Variants in CCDC40 observed in about 807,000 individuals in gnomAD.
CCDC40 encodes coiled-coil domain-containing protein 40.
A neutral mutation model predicts 124.5 loss-of-function variants in CCDC40; 104 were observed. The observed-to-expected ratio is 0.84, with a 90% CI of 0.71 to 0.98. The LOEUF is 0.98. CCDC40 is among the 50% of genes least tolerant of loss of function. The probability of loss-of-function intolerance (pLI) is 0.00; values close to 1 mark genes in which losing one functional copy is unlikely to be tolerated. For synonymous variants in CCDC40, 580 were observed against 602.9 expected (o/e 0.96, Z 0.56); for missense variants, 1,463 against 1,503.9 (o/e 0.97, Z 0.45).
Position 80,081,655 on chromosome 17 carries a change from A to T in CCDC40, c.1672A>T (p.Thr558Ser). ...NEKLASILNR[T>S]ETEATLLQKL... ...GAAGCTGGCGAGCATCCTGAACCGG[A>T]CAGAGACGGAAGCCACACTGCTGCA... The change falls in exon 11 of 20, where the codon ACA becomes TCA. Residue 558 changes from threonine (T) to serine (S), a missense_variant. By Grantham distance (58) the Thr-to-Ser change is moderately conservative (BLOSUM62 1). Coordinates refer to ENST00000397545, the MANE Select transcript of CCDC40 (RefSeq NM_017950.4). 6.2e-7 allele frequency: 1 copy of T among 1,614,212 alleles called. No individual in the cohort carries two copies. Among genetic ancestry groups the T allele is most frequent in the Non-Finnish European group, 8.5e-7 (1 of 1,180,040 alleles).
Position 80,086,314 on chromosome 17 carries a change from G to C in CCDC40, c.2449+98G>C, listed in dbSNP as rs1428679837. On this transcript the variant is annotated intron_variant, in intron 14 of 19. Transcript: ENST00000397545. This position sits in a 1 kb window ranked among gnomAD's most constrained non-coding sequence, Gnocchi z 5.5. ...GGGCACTCAGTGGGGCACGTCGCTG[G>C]ATTTGCACGCAGCCTTAAAAGCAAA... 2.2e-5 allele frequency: 21 copies of C among 959,708 alleles called. No homozygotes were observed. The highest frequency in any genetic ancestry group is 3.4e-5 in the Non-Finnish European group (21 of 613,578). 59.4% of individuals were successfully genotyped at this position (959,708 alleles called of 1,614,324 possible).
rs998762525 is a variant in CCDC40, at chr17:80,086,421, G to C, written c.2449+205G>C. 5.2e-5 allele frequency: 30 copies of C among 575,568 alleles called. No individual in the cohort carries two copies. Among genetic ancestry groups the C allele is most frequent in the South Asian group, 2.9e-4 (15 of 51,470 alleles). 35.7% of individuals were successfully genotyped at this position (575,568 alleles called of 1,614,324 possible). On this transcript the variant is annotated intron_variant, in intron 14 of 19. Transcript: ENST00000397545. The surrounding 1 kb of genome is among the most constrained non-coding windows in gnomAD (Gnocchi z 5.5). ...GCCCAGTTCGCAGTCACAGCGGGAG[G>C]GTTGAGAAATGTCACGAAATGGCTC...
intron 10 of CCDC40, among the ~76,000 whole-genome samples, chr17:80,078,289 C>T (rs1399647500): frequency 1.3e-5 from 2 of 150,282 alleles, no homozygotes; most frequent in Non-Finnish European, 3.0e-5. Flanking sequence ...CAAGATCACG[C>T]CACTGCACTC....
intron 9 of CCDC40, among the ~76,000 whole-genome samples, chr17:80,061,521 T>C (rs2037896187): frequency 6.6e-6 from 1 of 152,226 alleles, no homozygotes; most frequent in Admixed American, 6.5e-5. Context: ...AGACTCGCCC[T>C]GTGTGCTTCC....
At chr17:80,051,191 A>T (rs562682431) in intron 7 of CCDC40, 1 of 241,420 alleles carries the variant, frequency 4.1e-6, no homozygotes, top group East Asian at 1.8e-4. Context: ...TATTACTCTT[A>T]TAATGGGGAA....
At chr17:80,062,551 G>A (rs1367126046) in intron 9 of CCDC40, among the ~76,000 whole-genome samples, 1 of 148,576 alleles carries the variant, frequency 6.7e-6, no homozygotes, top group Non-Finnish European at 1.5e-5. Context: ...GAGAACATGC[G>A]GTGTTTGGGT....
Position 80,058,817 on chromosome 17 carries a change from G to A in CCDC40, c.1318-41G>A, listed in dbSNP as rs369452763. 270 of 1,613,726 alleles carry A rather than the reference G, an allele frequency of 1.7e-4. 1 individual carries two copies. The highest frequency in any genetic ancestry group is 2.9e-4 in the African/African-American group (22 of 74,998). Reference sequence around the variant, plus strand: ...TGGTGGAGAACAGGCCCTCAGCCACGGGCACCTCCTGACGGGGCTGCTTCT... The same window carrying A: ...TGGTGGAGAACAGGCCCTCAGCCACAGGCACCTCCTGACGGGGCTGCTTCT... On this transcript the variant is annotated intron_variant, in intron 8 of 19. Coordinates refer to ENST00000397545, the MANE Select transcript of CCDC40 (RefSeq NM_017950.4). The surrounding 1 kb of genome is among the most constrained non-coding windows in gnomAD (Gnocchi z 4.2).
chr17:80,073,611 T>C (rs2038244012), intron 10 of CCDC40, among the ~76,000 whole-genome samples: 2 of 152,124 alleles, frequency 1.3e-5, no homozygotes, highest in Non-Finnish European at 2.9e-5. Context: ...GCCTCCCTAT[T>C]CTCCAAGACT....
intron 18 of CCDC40, 66 bp downstream of exon 18, chr17:80,095,517 G>A (rs1480353920): frequency 1.3e-5 from 19 of 1,509,114 alleles, no homozygotes; most frequent in East Asian, 2.3e-5. Flanking sequence ...AACACTCCAG[G>A]AAGGCGTCTT....
rs202141933 is a variant in CCDC40, at chr17:80,089,844, C to G, written c.2792C>G (p.Thr931Arg). ...RSSVDSEIGQ[T>R]EIRAMKGEIH... ...TCAGTGGATTCCGAGATCGGCCAGA[C>G]GGAGATCCGGGCCATGAAGGGCGAG... is the stretch of plus-strand genomic sequence containing the variant. The change falls in exon 17 of 20, where the codon ACG (threonine) becomes AGG (arginine). Residue 931 changes from threonine (T) to arginine (R), a missense_variant. Thr to Arg is a moderately conservative substitution (Grantham distance 71, BLOSUM62 -1). Transcript: ENST00000397545. The G allele has an allele frequency of 8.7e-6, 14 of 1,614,072 alleles. No individual in the cohort carries two copies. Among genetic ancestry groups the G allele is most frequent in the Admixed American group, 5.0e-5 (3 of 60,008 alleles).
chr17:80,087,402 C>A lies in CCDC40; in HGVS notation c.2450-205C>A. 1.7e-6 allele frequency: 1 copy of A among 596,936 alleles called. No individual in the cohort carries two copies. The highest frequency in any genetic ancestry group is 3.0e-6 in the Non-Finnish European group (1 of 335,380). The allele number at this position is 596,936 out of a possible 1,614,324, so 37.0% of individuals were successfully genotyped here. On this transcript the variant is annotated intron_variant, in intron 14 of 19. Transcript: ENST00000397545. The surrounding 1 kb of genome is among the most constrained non-coding windows in gnomAD (Gnocchi z 4.5). Reference sequence around the variant, plus strand: ...GGACCAGGCTTTGGGAGCTTAGCAGCCAAAAAGAGACCCCCTGTCCTCTCC... The same window carrying A: ...GGACCAGGCTTTGGGAGCTTAGCAGACAAAAAGAGACCCCCTGTCCTCTCC...
At chr17:80,068,967 GCTT>G (rs1327860986) in intron 10 of CCDC40, among the ~76,000 whole-genome samples, 1 of 152,234 alleles carries the variant, frequency 6.6e-6, no homozygotes, top group Non-Finnish European at 1.5e-5. Context: ...TCTGCTTCCT[GCTT>G]CTTCCCCGAA....
intron 10 of CCDC40, among the ~76,000 whole-genome samples, chr17:80,073,850 C>T (rs1052972218): frequency 6.6e-6 from 1 of 151,660 alleles, no homozygotes; most frequent in African/African-American, 2.4e-5. Context: ...TGCCTGCCAC[C>T]GTGCCCGGCT....
intron 9 of CCDC40, among the ~76,000 whole-genome samples, chr17:80,060,552 A>G (rs540024796): frequency 5.1e-4 from 77 of 152,278 alleles, no homozygotes; most frequent in Middle Eastern, 6.8e-3. Flanking sequence ...AAGTTCACTT[A>G]GAAGACTAAA....
At chr17:80,068,887 A>T (rs1315256688) in intron 10 of CCDC40, among the ~76,000 whole-genome samples, 1 of 152,252 alleles carries the variant, frequency 6.6e-6, no homozygotes, top group Non-Finnish European at 1.5e-5. Context: ...GGGGGAGGAC[A>T]CAGGAGCGGA....
intron 3 of CCDC40, among the ~76,000 whole-genome samples, chr17:80,040,962 A>T (rs2037263977): frequency 6.6e-6 from 1 of 152,240 alleles, no homozygotes; most frequent in African/African-American, 2.4e-5. Context: ...TTTCCATTTA[A>T]ATAGCCACCT....
chr17:80,053,298 A>G (rs2143629501), intron 7 of CCDC40, among the ~76,000 whole-genome samples: 1 of 152,318 alleles, frequency 6.6e-6, no homozygotes, highest in Non-Finnish European at 1.5e-5. Context: ...CAGGCGGGAA[A>G]ACCCAGATGG....
At chr17:80,095,914 G>C (rs2038802708) in intron 18 of CCDC40, among the ~76,000 whole-genome samples, 1 of 152,240 alleles carries the variant, frequency 6.6e-6, no homozygotes, top group Admixed American at 6.5e-5. Context: ...ATGGGAGCGG[G>C]GTGGGCGCCT....
chr17:80,044,704 A>ATATATATATATATAT (rs1485851817), intron 3 of CCDC40, among the ~76,000 whole-genome samples: 118 of 36,934 alleles, frequency 3.2e-3, no homozygotes, highest in African/African-American at 5.8e-3. Flanking sequence ...AAAACAAACA[A>ATATATATATATATAT]ACAAAAAAAA....
Sources: allele counts gnomAD v4.1 joint callset (sites outside exome capture counted in the v4.1 genomes callset), GRCh38; gene constraint gnomAD v4.1.1; non-coding constraint Gnocchi (gnomAD v3.1); transcripts MANE v1.5; gene names NCBI Gene and HGNC (gene_info 2026-07-23, HGNC 2026-07-21).